The following DPYD variants were observed in gnomAD, a reference collection of about 807,000 sequenced individuals.
DPYD encodes dihydropyrimidine dehydrogenase, also known as dihydropyrimidine dehydrogenase [NADP(+)].
Under a neutral mutation model 116.2 loss-of-function variants are expected in DPYD, and 109 were observed. The ratio of observed to expected loss-of-function variants is 0.94; its 90% confidence interval spans 0.80 to 1.10. The LOEUF (loss-of-function observed/expected upper bound fraction) is 1.10, where lower values mean the gene tolerates loss of function less well. Ranked by LOEUF, DPYD falls within the 50% of genes least tolerant of loss-of-function variation. The pLI, the probability that DPYD is intolerant of heterozygous loss-of-function variation, is 0.00. For missense variants in DPYD, 1,302 were observed against 1,254.5 expected, an observed-to-expected ratio of 1.04 and a Z score of -0.57; for synonymous variants, 440 against 432.0, an observed-to-expected ratio of 1.02 and a Z score of -0.23.
At chr1:97,771,635 A>G (rs1557948639) in intron 3 of DPYD, among the ~76,000 whole-genome samples, 1 of 152,340 alleles carries the variant, frequency 6.6e-6, no homozygotes, top group Admixed American at 6.5e-5. Flanking sequence ...ATCTGATTCA[A>G]AACAGCTAGA....
intron 8 of DPYD, among the ~76,000 whole-genome samples, chr1:97,605,174 G>C (rs1655507184): frequency 1.3e-5 from 2 of 152,092 alleles, no homozygotes. Context: ...GAAGTTGTAA[G>C]AATATTGGGT....
chr1:97,086,388 T>C (rs1439961673), intron 21 of DPYD, among the ~76,000 whole-genome samples: 6 of 151,610 alleles, frequency 4.0e-5, no homozygotes, highest in Non-Finnish European at 5.9e-5. Flanking sequence ...AGTCAATGTT[T>C]CTGTTTGATA....
chr1:97,078,777 A>G lies in DPYD; in HGVS notation c.*199T>C, dbSNP rs1158337631. On this transcript the variant is annotated 3_prime_UTR_variant, in exon 23 of 23. Transcript: ENST00000370192. ...ACTATCCTCAGAAAAGAATTATTCTATTTTATGACCACTAATTGAATGGTC... is the reference window on the plus strand; with the variant it reads ...ACTATCCTCAGAAAAGAATTATTCTGTTTTATGACCACTAATTGAATGGTC... 2 of 606,490 alleles carry G rather than the reference A, an allele frequency of 3.3e-6. No homozygotes were observed. The highest frequency in any genetic ancestry group is 5.7e-6 in the Non-Finnish European group (2 of 351,096). 37.6% of individuals were successfully genotyped at this position (606,490 alleles called of 1,614,324 possible). A position where few individuals can be genotyped will look rare whatever the true frequency, so the allele number is the denominator to read the frequency against.
intron 16 of DPYD, among the ~76,000 whole-genome samples, chr1:97,309,962 C>T (rs1667403055): frequency 6.6e-6 from 1 of 151,664 alleles, no homozygotes; most frequent in Non-Finnish European, 1.5e-5. Flanking sequence ...CTACCAATTA[C>T]TTAGGGCATC....
rs138287688 is a variant in DPYD, at chr1:97,231,174, G to C, written c.2442+3678C>G. ...ATAGAAACTTGACTCTAAGAGGTAA[G>C]CTATAGCCTGAACATGTAAGCTTTG... On this transcript the variant is annotated intron_variant, in intron 19 of 22. Transcript: ENST00000370192. Among the ~76,000 whole-genome samples, 469 of 152,298 alleles carry C rather than the reference G, an allele frequency of 3.1e-3. 1 individual carries two copies. Among genetic ancestry groups the C allele is most frequent in the Non-Finnish European group, 5.5e-3 (377 of 68,034 alleles).
intron 1 of DPYD, among the ~76,000 whole-genome samples, chr1:97,917,380 T>C (rs955762674): frequency 6.6e-6 from 1 of 152,202 alleles, no homozygotes; most frequent in Non-Finnish European, 1.5e-5. Flanking sequence ...CCCATGACTT[T>C]CCTTGTTTCA....
intron 12 of DPYD, chr1:97,546,447 A>G (rs1650871273): frequency 1.9e-6 from 3 of 1,601,036 alleles, no homozygotes; most frequent in Admixed American, 1.7e-5. Flanking sequence ...GAAGTGAGAA[A>G]GATGATGGTA....
chr1:97,427,987 A>C (rs1293440360), intron 14 of DPYD, among the ~76,000 whole-genome samples: 1 of 152,124 alleles, frequency 6.6e-6, no homozygotes, highest in African/African-American at 2.4e-5. Context: ...ATGCCTAAAA[A>C]ATGGCTAAGT....
intron 8 of DPYD, among the ~76,000 whole-genome samples, chr1:97,610,993 G>A (rs941897853): frequency 6.6e-6 from 1 of 151,930 alleles, no homozygotes; most frequent in African/African-American, 2.4e-5. Context: ...ATATATGTGT[G>A]TGTGTGTGTC....
At chr1:97,243,133 A>G (rs1662486713) in intron 18 of DPYD, among the ~76,000 whole-genome samples, 1 of 151,888 alleles carries the variant, frequency 6.6e-6, no homozygotes, top group Non-Finnish European at 1.5e-5. Context: ...ACTTCTCTGT[A>G]CTACAGGAAA....
At chr1:97,708,303 G>A (rs912723195) in intron 5 of DPYD, among the ~76,000 whole-genome samples, 1 of 152,026 alleles carries the variant, frequency 6.6e-6, no homozygotes, top group African/African-American at 2.4e-5. Context: ...TGAGGTTTAT[G>A]ATCCATCTTT....
intron 11 of DPYD, among the ~76,000 whole-genome samples, chr1:97,551,897 C>T (rs2102094410): frequency 6.6e-6 from 1 of 152,086 alleles, no homozygotes; most frequent in Non-Finnish European, 1.5e-5. Flanking sequence ...TATAGTATAT[C>T]AAGTATATAT....
rs1410017428 is a variant in DPYD, at chr1:97,598,612, G to A, written c.851-3446C>T. Among the ~76,000 whole-genome samples the A allele has an allele frequency of 4.0e-5, 6 of 151,388 alleles. No homozygotes were observed. In the East Asian group the frequency reaches 1.2e-3, roughly 29 times the overall value. On this transcript the variant is annotated intron_variant, in intron 8 of 22. Transcript: ENST00000370192. ...GTTCTCTGAAAAAGAAGGGAGGGAG[G>A]GAGGGAAGGAGGGAGGGAGGGAGGA...
At chr1:97,679,717 A>T (rs1660334329) in intron 7 of DPYD, among the ~76,000 whole-genome samples, 1 of 152,106 alleles carries the variant, frequency 6.6e-6, no homozygotes, top group African/African-American at 2.4e-5. Flanking sequence ...GTGTCAAGGG[A>T]AAATGAATAA....
chr1:97,134,580 G>T (rs1381237125), intron 20 of DPYD, among the ~76,000 whole-genome samples: 1 of 152,186 alleles, frequency 6.6e-6, no homozygotes, highest in African/African-American at 2.4e-5. Context: ...GTTTGGGGAG[G>T]AAGAGGAGGA....
At chr1:97,583,304 T>A (rs1018261247) in intron 10 of DPYD, among the ~76,000 whole-genome samples, 2 of 152,180 alleles carry the variant, frequency 1.3e-5, no homozygotes, top group Non-Finnish European at 2.9e-5. Flanking sequence ...CATTTACTAT[T>A]GATGACATTT....
chr1:97,490,979 T>C (rs900748589), intron 13 of DPYD, among the ~76,000 whole-genome samples: 1 of 150,920 alleles, frequency 6.6e-6, no homozygotes, highest in African/African-American at 2.4e-5. Flanking sequence ...AGTGAATATA[T>C]ACATTGCATA....
chr1:97,488,168 A>ATT (rs1678757106), intron 13 of DPYD, among the ~76,000 whole-genome samples: 1 of 152,152 alleles, frequency 6.6e-6, no homozygotes, highest in African/African-American at 2.4e-5. Context: ...TTTTTTTTAA[A>ATT]AGCCAATTTC....
At chr1:97,808,447 A>G (rs1041898073) in intron 3 of DPYD, among the ~76,000 whole-genome samples, 21 of 152,164 alleles carry the variant, frequency 1.4e-4, no homozygotes, top group Admixed American at 1.2e-3. Context: ...TAACTTTTGT[A>G]TATTAATCTT....
Sources: allele counts gnomAD v4.1 joint callset (sites outside exome capture counted in the v4.1 genomes callset), GRCh38; gene constraint gnomAD v4.1.1; transcripts MANE v1.5; gene names NCBI Gene and HGNC (gene_info 2026-07-23, HGNC 2026-07-21).